The following DDX43 variants were observed in gnomAD, a reference collection of about 807,000 sequenced individuals.
DDX43 encodes probable ATP-dependent RNA helicase DDX43.
Under a neutral mutation model 84.9 loss-of-function variants are expected in DDX43, and 50 were observed. The ratio of observed to expected loss-of-function variants is 0.59; its 90% CI spans 0.47 to 0.75. The LOEUF (loss-of-function observed/expected upper bound fraction) is 0.75. DDX43 is among the 30% of genes least tolerant of loss of function. DDX43 has a pLI of 0.00. For synonymous variants in DDX43, 291 were observed against 266.3 expected, an observed-to-expected ratio of 1.09 and a Z score of -0.90; for missense variants, 689 against 798.6, an observed-to-expected ratio of 0.86 and a Z score of 1.65.
intron 15 of DDX43, among the ~76,000 whole-genome samples, chr6:73,415,815 G>T (rs1194734660): frequency 6.6e-6 from 1 of 152,132 alleles, no homozygotes; most frequent in East Asian, 1.9e-4. Context: ...GAGTGGAGGT[G>T]GGGAAAGTTG....
chr6:73,409,183 A>G (rs930694668), intron 9 of DDX43, 65 bp from the exon 10 acceptor site: 1 of 1,177,554 alleles, frequency 8.5e-7, no homozygotes, highest in Non-Finnish European at 1.3e-6. Context: ...ACTAATAAAG[A>G]AAGCATATGT....
intron 10 of DDX43, 74 bp downstream of exon 10, chr6:73,409,422 C>A (rs1769744825): frequency 8.1e-7 from 1 of 1,236,196 alleles, no homozygotes; most frequent in Non-Finnish European, 1.2e-6. Flanking sequence ...TGGATTTTCC[C>A]ACAATATTTG....
At chr6:73,400,596 A>C (rs1305190281) in intron 3 of DDX43, among the ~76,000 whole-genome samples, 3 of 152,226 alleles carry the variant, frequency 2.0e-5, no homozygotes, top group Non-Finnish European at 4.4e-5. Flanking sequence ...AGTGAAAATG[A>C]AATAACCCTT....
In DDX43 at chr6:73,401,852, T is replaced by G. The variant is rs1769578383; in HGVS notation, c.437-7T>G. ...AAAAAACTAATCGATACAAATGTTT[T>G]TAACAGATACTGCATTCCAACCTTC... On this transcript the variant is annotated splice_polypyrimidine_tract_variant and splice_region_variant and intron_variant, in intron 3 of 16. Coordinates refer to ENST00000370336, the MANE Select transcript of DDX43 (RefSeq NM_018665.3). The G allele has an allele frequency of 1.9e-6, 3 of 1,606,118 alleles. No homozygotes were observed. Among genetic ancestry groups the G allele is most frequent in the Non-Finnish European group, 2.5e-6 (3 of 1,177,702 alleles).
chr6:73,413,633 G>T, intron 11 of DDX43, 25 bp from the exon 12 acceptor site: 1 of 1,607,262 alleles, frequency 6.2e-7, no homozygotes, highest in South Asian at 1.1e-5. Flanking sequence ...TGACCTTGAT[G>T]AACTATGTTC....
At chr6:73,402,556 A>G (rs1051502698) in intron 4 of DDX43, among the ~76,000 whole-genome samples, 3 of 152,108 alleles carry the variant, frequency 2.0e-5, no homozygotes, top group African/African-American at 4.8e-5. Flanking sequence ...TACAGATGTC[A>G]GGCACTGTGC....
chr6:73,407,766 C>G, intron 8 of DDX43, 151 bp downstream of exon 8: 1 of 787,884 alleles, frequency 1.3e-6, no homozygotes, highest in Admixed American at 2.7e-5. Flanking sequence ...CAGTCAGAGC[C>G]TGGGTCAGGT....
intron 4 of DDX43, among the ~76,000 whole-genome samples, chr6:73,402,517 C>G (rs72958099): frequency 1.3e-5 from 2 of 152,208 alleles, no homozygotes; most frequent in African/African-American, 4.8e-5. Context: ...AAGTGATCCT[C>G]TCCTCTTAAC....
rs532968270 is a variant in DDX43, at chr6:73,414,188, A to C, written c.1606+109A>C. On this transcript the variant is annotated intron_variant, in intron 13 of 16. Coordinates refer to ENST00000370336, the MANE Select transcript of DDX43 (RefSeq NM_018665.3). ...CCATTTATTTCTAAGATCTGTCCTC[A>C]CCTTCTGTATCCTACAACTACACTC... The C allele has an allele frequency of 9.6e-5, 66 of 685,350 alleles. No individual in the cohort carries two copies. In the East Asian group the frequency reaches 1.6e-3, roughly 16 times the overall value. 42.5% of individuals were successfully genotyped at this position (685,350 alleles called of 1,614,324 possible).
At chr6:73,413,532 C>A in intron 11 of DDX43, 126 bp from the exon 12 acceptor site, 1 of 885,814 alleles carries the variant, frequency 1.1e-6, no homozygotes. Flanking sequence ...AGGACGTCTG[C>A]CATTTTGCTT....
In DDX43 at chr6:73,395,001, G is replaced by GGA; in HGVS notation, c.98_99dup (p.Glu34ArgfsTer3). The stretch of plus-strand genomic sequence containing the variant: ...CCCGAGCGCCAGAGAGGAGGCCGGC[G>GGA]GAGGAGTTGAATCGAACAGGTCCTG... On this transcript the variant is annotated frameshift_variant, in exon 1 of 17. Coordinates refer to ENST00000370336, the MANE Select transcript of DDX43 (RefSeq NM_018665.3). LOFTEE classifies it high-confidence loss of function. 1 of 1,614,246 alleles carries GGA rather than the reference G, an allele frequency of 6.2e-7. No homozygotes were observed. Among genetic ancestry groups the GGA allele is most frequent in the Non-Finnish European group, 8.5e-7 (1 of 1,180,028 alleles).
chr6:73,412,638 AGTG>A (rs1280442981), intron 11 of DDX43, among the ~76,000 whole-genome samples: 6 of 59,632 alleles, frequency 1.0e-4, no homozygotes, highest in South Asian at 6.1e-4. Context: ...ATATATATAT[AGTG>A]TGTGTGTGTG....
intron 11 of DDX43, among the ~76,000 whole-genome samples, chr6:73,413,089 G>A (rs1473082149): frequency 6.6e-6 from 1 of 152,106 alleles, no homozygotes; most frequent in Non-Finnish European, 1.5e-5. Context: ...GGGTCTAAAC[G>A]TAGGTCTACA....
Position 73,400,266 on chromosome 6 carries a change from A to C in DDX43, c.339A>C (p.Lys113Asn). ...AAGAACAACCAGAATCATTAGTCAA[A>C]ATTTTTGGCAGCAAGGCAATGCAAA... ...IIQEQPESLVKIFGSKAMQTK... is the reference protein window; with the variant it reads ...IIQEQPESLVNIFGSKAMQTK... The change falls in exon 3 of 17, where the codon AAA becomes AAC. Residue 113 changes from lysine (K) to asparagine (N), a missense_variant. By Grantham distance (94) the Lys-to-Asn change is moderately conservative (BLOSUM62 0). Coordinates refer to ENST00000370336, the MANE Select transcript of DDX43 (RefSeq NM_018665.3). The C allele has an allele frequency of 6.2e-7, 1 of 1,605,346 alleles. No individual in the cohort carries two copies. Among genetic ancestry groups the C allele is most frequent in the East Asian group, 2.3e-5 (1 of 44,278 alleles).
At position 73,395,303 on chromosome 6, in the gene DDX43, G is replaced by A. The variant is rs1769443610; in HGVS notation, c.250+148G>A. ...CCCAGAGCTATTTGTAAAACCTGGG[G>A]ATAGAGTATAATTTAATCTGGCCGG... is the stretch of plus-strand genomic sequence containing the variant. On this transcript the variant is annotated intron_variant, in intron 1 of 16. Coordinates refer to ENST00000370336, the MANE Select transcript of DDX43 (RefSeq NM_018665.3). 4.6e-6 allele frequency: 5 copies of A among 1,086,634 alleles called. No individual in the cohort carries two copies. The South Asian group carries it at 8.3e-5, about 18-fold the overall frequency. The allele number at this position is 1,086,634 out of a possible 1,614,324, so 67.3% of individuals were successfully genotyped here.
chr6:73,399,071 G>A (rs527411457), intron 2 of DDX43, among the ~76,000 whole-genome samples: 10 of 152,070 alleles, frequency 6.6e-5, no homozygotes, highest in Non-Finnish European at 1.3e-4. Context: ...TCAGCTTCCA[G>A]AGTAGCTGGG....
At chr6:73,397,386 T>C (rs116467029) in intron 1 of DDX43, among the ~76,000 whole-genome samples, 2,381 of 152,316 alleles carry the variant, frequency 0.016, 55 homozygotes, top group African/African-American at 0.055. Flanking sequence ...TCAAAACTTA[T>C]TTGTTGAGTT....
At chr6:73,414,139 C>A (rs1769858692) in intron 13 of DDX43, 60 bp downstream of exon 13, 1 of 1,022,146 alleles carries the variant, frequency 9.8e-7, no homozygotes, top group Non-Finnish European at 1.5e-6. Flanking sequence ...CTGGGCTTGG[C>A]TGAGTAACAT....
At chr6:73,402,280 A>G (rs1459788178) in intron 4 of DDX43, among the ~76,000 whole-genome samples, 3 of 152,192 alleles carry the variant, frequency 2.0e-5, no homozygotes, top group African/African-American at 7.2e-5. Context: ...GGGAGTAAAC[A>G]TGCAAACCAT....
Sources: gnomAD v4.1 joint callset for allele counts (sites outside exome capture counted in the v4.1 genomes callset) on GRCh38, gnomAD v4.1.1 for gene constraint, MANE v1.5 for transcripts, NCBI Gene and HGNC (gene_info 2026-07-23, HGNC 2026-07-21) for gene names.